Variants in EPHA7 observed in about 807,000 individuals in gnomAD.
The protein encoded by EPHA7 is ephrin type-A receptor 7.
EPHA7 carries 25 observed loss-of-function variants against 112.6 expected under a neutral mutation model. That is an observed-to-expected ratio of 0.22 (90% confidence interval 0.16 to 0.31). The LOEUF (loss-of-function observed/expected upper bound fraction) is 0.31, where lower values mean the gene tolerates loss of function less well. Ranked by LOEUF, EPHA7 falls within the 10% of genes least tolerant of loss-of-function variation. EPHA7 has a pLI of 1.00. For synonymous variants in EPHA7, 437 were observed against 406.5 expected (o/e 1.07, Z -0.90); for missense variants, 962 against 1,212.6 (o/e 0.79, Z 3.07).
chr6:93,362,396 G>A (rs1776304964), intron 3 of EPHA7, among the ~76,000 whole-genome samples: 1 of 151,752 alleles, frequency 6.6e-6, no homozygotes, highest in South Asian at 2.1e-4. Context: ...TTTAAATATT[G>A]TCCCACAAAG....
chr6:93,390,125 T>C lies in EPHA7; in HGVS notation c.832+20376A>G, dbSNP rs145113882. ...AAAGTAAACCACATCAACTATATTGTATCCCTGCCCCCAAAATTCAACTTG... is the reference window on the plus strand; with the variant it reads ...AAAGTAAACCACATCAACTATATTGCATCCCTGCCCCCAAAATTCAACTTG... On this transcript the variant is annotated intron_variant, in intron 3 of 16. Transcript: ENST00000369303. Among the ~76,000 whole-genome samples, 662 of 151,854 alleles carry C rather than the reference T, an allele frequency of 4.4e-3. 4 individuals carry two copies. The highest frequency in any genetic ancestry group is 7.4e-3 in the Non-Finnish European group (504 of 67,822).
chr6:93,403,765 T>C (rs2127990423), intron 3 of EPHA7, among the ~76,000 whole-genome samples: 1 of 150,882 alleles, frequency 6.6e-6, no homozygotes, highest in African/African-American at 2.4e-5. Flanking sequence ...CGGGAGACCA[T>C]AAGAAAATAT....
At chr6:93,267,044 C>T (rs1241640912) in intron 7 of EPHA7, among the ~76,000 whole-genome samples, 2 of 151,800 alleles carry the variant, frequency 1.3e-5, no homozygotes, top group Admixed American at 1.3e-4. Context: ...TTAAGATTTT[C>T]AGAAGGTATA....
intron 1 of EPHA7, among the ~76,000 whole-genome samples, chr6:93,415,596 A>G (rs532390986): frequency 6.6e-6 from 1 of 152,162 alleles, no homozygotes; most frequent in African/African-American, 2.4e-5. Context: ...TATTTGATAT[A>G]TTTTATTTCT....
At chr6:93,260,555 A>G in intron 9 of EPHA7, 9 of 956,804 alleles carry the variant, frequency 9.4e-6, no homozygotes, top group Non-Finnish European at 8.7e-6. Flanking sequence ...AGAACAATAT[A>G]TTTCTTTATA....
chr6:93,402,269 A>T (rs1778471320), intron 3 of EPHA7, among the ~76,000 whole-genome samples: 1 of 152,048 alleles, frequency 6.6e-6, no homozygotes, highest in South Asian at 2.1e-4. Flanking sequence ...GAGAACAAAG[A>T]TGACTAAATA....
chr6:93,354,558 A>G (rs1775847763), intron 5 of EPHA7, among the ~76,000 whole-genome samples: 1 of 150,540 alleles, frequency 6.6e-6, no homozygotes, highest in South Asian at 2.1e-4. Context: ...TATTTTTAGT[A>G]TATTTACAGG....
intron 14 of EPHA7, among the ~76,000 whole-genome samples, chr6:93,252,620 A>T (rs2127852764): frequency 6.6e-6 from 1 of 152,058 alleles, no homozygotes; most frequent in East Asian, 1.9e-4. Context: ...CTCCATTTGC[A>T]TATTGAAAAT....
At chr6:93,344,431 A>G (rs1242890504) in intron 5 of EPHA7, among the ~76,000 whole-genome samples, 1 of 151,634 alleles carries the variant, frequency 6.6e-6, no homozygotes, top group African/African-American at 2.4e-5. Context: ...TTAGAAAAGA[A>G]CAAAGGCAGT....
chr6:93,273,809 A>G (rs990324422), intron 5 of EPHA7, among the ~76,000 whole-genome samples: 4 of 151,946 alleles, frequency 2.6e-5, no homozygotes, highest in Non-Finnish European at 4.4e-5. Flanking sequence ...ACTTATCTCT[A>G]AAGTGACACA....
intron 5 of EPHA7, among the ~76,000 whole-genome samples, chr6:93,343,588 T>A (rs1371359793): frequency 6.6e-6 from 1 of 151,696 alleles, no homozygotes. Flanking sequence ...GAGACATTGC[T>A]TTTTGCGTTC....
intron 5 of EPHA7, among the ~76,000 whole-genome samples, 176 bp downstream of exon 5, chr6:93,356,541 A>C (rs1775956149): frequency 6.6e-6 from 1 of 152,104 alleles, no homozygotes; most frequent in South Asian, 2.1e-4. Flanking sequence ...AGATCTCTGA[A>C]GATGTTAATG....
At chr6:93,301,882 A>G (rs1772994816) in intron 5 of EPHA7, among the ~76,000 whole-genome samples, 1 of 152,172 alleles carries the variant, frequency 6.6e-6, no homozygotes, top group African/African-American at 2.4e-5. Flanking sequence ...ATCTGCACCC[A>G]TAACAGTATA....
intron 3 of EPHA7, among the ~76,000 whole-genome samples, chr6:93,365,654 A>AGCG (rs1776470215): frequency 6.6e-6 from 1 of 152,196 alleles, no homozygotes; most frequent in Non-Finnish European, 1.5e-5. Context: ...GAGAATGAAC[A>AGCG]GCGAGCAGGG....
At chr6:93,288,380 C>A (rs894446289) in intron 5 of EPHA7, among the ~76,000 whole-genome samples, 1 of 152,056 alleles carries the variant, frequency 6.6e-6, no homozygotes, top group Non-Finnish European at 1.5e-5. Flanking sequence ...AAAGCAGTTT[C>A]GTGGTTGCCT....
chr6:93,410,808 T>C lies in EPHA7; in HGVS notation c.525A>G (p.Gly175=), dbSNP rs552380578. Residue 175 remains glycine, a synonymous_variant, in exon 3 of 17, where the codon GGA becomes GGG. Coordinates refer to ENST00000369303, the MANE Select transcript of EPHA7 (RefSeq NM_004440.4). The surrounding 1 kb of genome is among the most constrained non-coding windows in gnomAD (Gnocchi z 4.0). ...GATAGAATCCCTTTTTGGACAAAGGTCCAATCTCTCTCACCTCAGTGTTAA... is the reference window on the plus strand; with the variant it reads ...GATAGAATCCCTTTTTGGACAAAGGCCCAATCTCTCTCACCTCAGTGTTAA... ...MKLNTEVREI[G]PLSKKGFYLA... is the part of the protein sequence containing the mutation. 3 of 1,614,042 alleles carry C rather than the reference T, an allele frequency of 1.9e-6. No individual in the cohort carries two copies. Among genetic ancestry groups the C allele is most frequent in the African/African-American group, 1.3e-5 (1 of 75,036 alleles).
intron 5 of EPHA7, among the ~76,000 whole-genome samples, chr6:93,351,708 G>C (rs1437302043): frequency 6.6e-6 from 1 of 151,800 alleles, no homozygotes; most frequent in Non-Finnish European, 1.5e-5. Flanking sequence ...GGGAAAATAT[G>C]AGGCCAAAAA....
chr6:93,344,033 G>T lies in EPHA7; in HGVS notation c.1324+12684C>A, dbSNP rs550014574. Among the ~76,000 whole-genome samples, 23 of 150,786 alleles carry T rather than the reference G, an allele frequency of 1.5e-4. No individual in the cohort carries two copies. In the East Asian group the frequency reaches 2.9e-3, roughly 19 times the overall value. ...AATAAAATTTCCAAATTTTTAGGTG[G>T]TTATACTTTTTATATTGGCAAGTAC... On this transcript the variant is annotated intron_variant, in intron 5 of 16. Coordinates refer to ENST00000369303, the MANE Select transcript of EPHA7 (RefSeq NM_004440.4).
At chr6:93,416,439 T>G (rs1779230248) in intron 1 of EPHA7, among the ~76,000 whole-genome samples, 1 of 152,198 alleles carries the variant, frequency 6.6e-6, no homozygotes, top group Admixed American at 6.5e-5. Context: ...TACTGTTTAT[T>G]GCCATTCTGC....
Sources: allele counts gnomAD v4.1 joint callset (sites outside exome capture counted in the v4.1 genomes callset), GRCh38; gene constraint gnomAD v4.1.1; non-coding constraint Gnocchi (gnomAD v3.1); transcripts MANE v1.5; gene names NCBI Gene and HGNC (gene_info 2026-07-23, HGNC 2026-07-21).